GYG2: variants seen among roughly 807,000 people sequenced by gnomAD.
GYG2 encodes glycogenin-2.
A neutral mutation model predicts 29.4 loss-of-function variants in GYG2; 29 were observed. The ratio of observed to expected loss-of-function variants is 0.99; its 90% CI spans 0.74 to 1.35. The LOEUF (loss-of-function observed/expected upper bound fraction) is 1.35. Among genes scored for constraint, GYG2 ranks in the 40% most tolerant of loss-of-function variants. GYG2 has a pLI of 0.00. For missense variants in GYG2, 370 were observed against 385.7 expected (o/e 0.96, Z 0.34); for synonymous variants, 167 against 172.3 (o/e 0.97, Z 0.24).
intron 8 of GYG2, among the ~76,000 whole-genome samples, chrX:2,872,729 A>T (rs1332641842): frequency 8.9e-6 from 1 of 111,823 alleles, no homozygotes; most frequent in Non-Finnish European, 1.9e-5. Flanking sequence ...CATTTCCAGG[A>T]ATGGTTTTTT....
intron 8 of GYG2, among the ~76,000 whole-genome samples, chrX:2,864,764 C>CT (rs1182873326): frequency 5.0e-4 from 48 of 96,695 alleles, no homozygotes; most frequent in East Asian, 9.0e-4. Flanking sequence ...CTTTTTCTTT[C>CT]TTTTTTTTTT....
At chrX:2,877,174 C>G in intron 9 of GYG2, 26 bp from the exon 10 acceptor site, 2 of 1,205,349 alleles carry the variant, frequency 1.7e-6, no homozygotes, top group Non-Finnish European at 2.2e-6. Context: ...CCACCGCAGA[C>G]TAATGATGGA....
At chrX:2,846,320 G>A (rs1159601107) in intron 3 of GYG2, among the ~76,000 whole-genome samples, 5 of 106,766 alleles carry the variant, frequency 4.7e-5, no homozygotes, top group African/African-American at 6.8e-5. Context: ...GCCCGCCTCC[G>A]CCTCCCAAAG....
chrX:2,871,387 TAA>T (rs57783115), intron 8 of GYG2, among the ~76,000 whole-genome samples: 58 of 104,014 alleles, frequency 5.6e-4, no homozygotes, highest in Admixed American at 1.6e-3. Flanking sequence ...CTGATGCACT[TAA>T]AAAAAAAAAA....
intron 8 of GYG2, among the ~76,000 whole-genome samples, chrX:2,865,305 A>G (rs948099278): frequency 8.1e-5 from 9 of 111,255 alleles, no homozygotes; most frequent in Non-Finnish European, 1.7e-4. Flanking sequence ...AGCCACACCA[A>G]TCTCTGCAAA....
At chrX:2,869,016 TAA>T (rs34020477) in intron 8 of GYG2, among the ~76,000 whole-genome samples, 1 of 96,495 alleles carries the variant, frequency 1.0e-5, no homozygotes, top group Non-Finnish European at 2.1e-5. Context: ...CTGAACATCT[TAA>T]AAAAAAAAAA....
chrX:2,861,694 C>A lies in GYG2; in HGVS notation c.1010C>A (p.Ser337Tyr), dbSNP rs1278782348. 4 of 1,195,233 alleles carry A rather than the reference C, an allele frequency of 3.3e-6. No individual in the cohort carries two copies. The highest frequency in any genetic ancestry group is 1.8e-5 in the African/African-American group (1 of 56,881). Reference sequence around the variant, plus strand: ...ACCCAGATAGTGGATGAGACCCTGTCCCTACCTGAAGGACGCCGTTCAGAA... The same window carrying A: ...ACCCAGATAGTGGATGAGACCCTGTACCTACCTGAAGGACGCCGTTCAGAA... ...EPTQIVDETL[S>Y]LPEGRRSEDM... Residue 337 changes from serine to tyrosine, a missense_variant, in exon 8 of 11, where the codon TCC (serine) becomes TAC (tyrosine). Transcript: ENST00000398806.
At chrX:2,835,190 T>G (rs1176412439) in intron 2 of GYG2, among the ~76,000 whole-genome samples, 2 of 111,832 alleles carry the variant, frequency 1.8e-5, no homozygotes, top group Non-Finnish European at 3.8e-5. Context: ...TGGGTTATGA[T>G]AAGAGGTTGT....
At chrX:2,872,602 G>A (rs954652429) in intron 8 of GYG2, among the ~76,000 whole-genome samples, 28 of 112,234 alleles carry the variant, frequency 2.5e-4, no homozygotes, top group African/African-American at 8.4e-4. Context: ...ATATAACCCC[G>A]AGTTAAATCC....
At chrX:2,845,148 T>C (rs867907784) in intron 3 of GYG2, among the ~76,000 whole-genome samples, 1 of 3,447 alleles carries the variant, frequency 2.9e-4, no homozygotes, top group African/African-American at 4.3e-4. Context: ...TGTATATTTA[T>C]ATACACGTGT....
At chrX:2,863,244 T>A (rs2088217772) in intron 8 of GYG2, among the ~76,000 whole-genome samples, 1 of 109,340 alleles carries the variant, frequency 9.1e-6, no homozygotes, top group Non-Finnish European at 1.9e-5. Flanking sequence ...CCGGCTAATT[T>A]TTTGTATTTT....
rs767525546 is a variant in GYG2, at chrX:2,881,075, C to T, written c.1275C>T (p.Ser425=). 3.3e-6 allele frequency: 4 copies of T among 1,210,038 alleles called. No individual in the cohort carries two copies. The highest frequency in any genetic ancestry group is 5.9e-5 in the East Asian group (2 of 33,780). Residue 425 remains serine, a synonymous_variant, in exon 11 of 11, where the codon TCC becomes TCT. Coordinates refer to ENST00000398806, the MANE Select transcript of GYG2 (RefSeq NM_001079855.2). The part of the protein sequence containing the change: ...ALEVDLAVSV[S]QISIEEKVKE... ...AGGTCGACCTGGCCGTCTCTGTTTC[C>T]CAGATCTCCATCGAAGAGAAGGTGA...
At chrX:2,868,790 A>G (rs1323514745) in intron 8 of GYG2, among the ~76,000 whole-genome samples, 1 of 111,275 alleles carries the variant, frequency 9.0e-6, no homozygotes, top group Non-Finnish European at 1.9e-5. Flanking sequence ...ATACCCGTGT[A>G]ACAAACCTGC....
chrX:2,859,979 C>T lies in GYG2; in HGVS notation c.751C>T (p.Leu251Phe). The stretch of plus-strand genomic sequence containing the variant: ...CCAGCACCAGGCGGCATTCCTTCAT[C>T]TCTGGTGGACGGTCTACCAGAACAA... The part of the protein sequence containing the change: ...SSQHQAAFLH[L>F]WWTVYQNNVL... The change falls in exon 7 of 11, where the codon CTC becomes TTC. Residue 251 changes from leucine to phenylalanine, a missense_variant. Transcript: ENST00000398806. 8.3e-7 allele frequency: 1 copy of T among 1,205,792 alleles called. No homozygotes were observed.
intron 6 of GYG2, among the ~76,000 whole-genome samples, chrX:2,858,645 G>T (rs5982897): frequency 0.49 from 54,524 of 110,424 alleles, 9,896 homozygotes; most frequent in Middle Eastern, 0.57. Flanking sequence ...ATTCTCTACA[G>T]AGGACACGGT....
Position 2,860,013 on chromosome X carries a change from C to G in GYG2, c.785C>G (p.Pro262Arg). ...WWTVYQNNVL[P>R]LYKSVQAGEA... The stretch of plus-strand genomic sequence containing the variant: ...ACGGTCTACCAGAACAACGTGCTGC[C>G]CCTTTATAAAAGCGTCCAAGCGGGG... The change falls in exon 7 of 11, where the codon CCC becomes CGC. Residue 262 changes from proline to arginine, a missense_variant. Coordinates refer to ENST00000398806, the MANE Select transcript of GYG2 (RefSeq NM_001079855.2). The G allele has an allele frequency of 8.3e-7, 1 of 1,204,081 alleles. No homozygotes were observed. The highest frequency in any genetic ancestry group is 1.1e-6 in the Non-Finnish European group (1 of 891,085).
chrX:2,871,726 A>G (rs2088476806), intron 8 of GYG2, among the ~76,000 whole-genome samples: 1 of 106,005 alleles, frequency 9.4e-6, no homozygotes, highest in Middle Eastern at 4.7e-3. Context: ...ATAAATAAAT[A>G]AATAAATAAA....
chrX:2,866,307 C>T (rs111813997), intron 8 of GYG2, among the ~76,000 whole-genome samples: 1 of 111,667 alleles, frequency 9.0e-6, no homozygotes, highest in Non-Finnish European at 1.9e-5. Flanking sequence ...CCAGCCTGAG[C>T]AACATAGCAA....
chrX:2,878,948 A>G (rs758466093), intron 10 of GYG2, among the ~76,000 whole-genome samples: 1 of 111,976 alleles, frequency 8.9e-6, no homozygotes, highest in Non-Finnish European at 1.9e-5. Context: ...GAAACATTTC[A>G]TTCTCAGGAA....
Sources: gnomAD v4.1 joint callset for allele counts (sites outside exome capture counted in the v4.1 genomes callset) on GRCh38, gnomAD v4.1.1 for gene constraint, MANE v1.5 for transcripts, NCBI Gene and HGNC (gene_info 2026-07-23, HGNC 2026-07-21) for gene names.